The following AGMO variants were observed in gnomAD, a reference collection of about 807,000 sequenced individuals.
AGMO encodes glyceryl-ether monooxygenase.
A neutral mutation model predicts 60.2 loss-of-function variants in AGMO; 75 were observed. The ratio of observed to expected loss-of-function variants is 1.25; its 90% CI spans 1.03 to 1.51. The LOEUF is 1.51. AGMO is among the 40% of genes most tolerant of loss of function. AGMO has a pLI of 0.00. For synonymous variants in AGMO, 261 were observed against 177.1 expected (o/e 1.47, Z -3.76); for missense variants, 763 against 525.5 (o/e 1.45, Z -4.42).
chr7:15,183,947 T>C, the AGMO span, among the ~76,000 whole-genome samples: 1 of 152,326 alleles, frequency 6.6e-6, no homozygotes, highest in African/African-American at 2.4e-5. Flanking sequence ...CAGTTTTCTA[T>C]AAAGTGATTG....
chr7:15,269,106 G>A (rs745448926), intron 12 of AGMO, among the ~76,000 whole-genome samples: 7 of 152,094 alleles, frequency 4.6e-5, no homozygotes, highest in Non-Finnish European at 8.8e-5. Context: ...CTCTGCCAAT[G>A]TAATGTGAAA....
rs369885145 is a variant in AGMO at position 15,505,958 on chromosome 7, C to T, written c.409+38814G>A. Among the ~76,000 whole-genome samples, 88 of 152,114 alleles carry T rather than the reference C, an allele frequency of 5.8e-4. 2 individuals are homozygous for T. The highest frequency in any genetic ancestry group is 2.0e-3 in the African/African-American group (84 of 41,538). Reference sequence around the variant, plus strand: ...ATGAAGAGTTCACCTACATAATTGGCAATTTGCCAAAGTTTAGACAACCAC... The same window carrying T: ...ATGAAGAGTTCACCTACATAATTGGTAATTTGCCAAAGTTTAGACAACCAC... On this transcript the variant is annotated intron_variant, in intron 3 of 12. Transcript: ENST00000342526.
Position 15,361,457 on chromosome 7 carries a change from G to A in AGMO, c.1263+4057C>T, listed in dbSNP as rs186191297. ...CAGGAAGCTGAGGTGGGAGAATGGC[G>A]TGAACCTGGGAGGCGGAGCTTGCAG... On this transcript the variant is annotated intron_variant, in intron 12 of 12. Transcript: ENST00000342526. Among the ~76,000 whole-genome samples, 719 of 148,532 alleles carry A rather than the reference G, an allele frequency of 4.8e-3. 8 individuals are homozygous for A. The highest frequency in any genetic ancestry group is 0.017 in the African/African-American group (675 of 40,284).
chr7:15,311,338 A>T (rs1270028056), intron 12 of AGMO, among the ~76,000 whole-genome samples: 1 of 152,146 alleles, frequency 6.6e-6, no homozygotes, highest in African/African-American at 2.4e-5. Context: ...CACTTAGAAA[A>T]ATAAGTAAAA....
intron 3 of AGMO, among the ~76,000 whole-genome samples, chr7:15,518,969 C>G (rs1156448670): frequency 6.6e-6 from 1 of 151,522 alleles, no homozygotes; most frequent in Non-Finnish European, 1.5e-5. Context: ...TAGAGAAGAA[C>G]AGAAATGATC....
At chr7:15,508,593 A>G (rs577215386) in intron 3 of AGMO, among the ~76,000 whole-genome samples, 1 of 152,280 alleles carries the variant, frequency 6.6e-6, no homozygotes, top group South Asian at 2.1e-4. Context: ...AATTGAATTC[A>G]ATCTAGTCCA....
intron 5 of AGMO, among the ~76,000 whole-genome samples, chr7:15,418,030 C>A (rs1780822250): frequency 6.6e-6 from 1 of 151,974 alleles, no homozygotes. Context: ...TCTAAAATTA[C>A]ATTTCTTCAG....
chr7:15,412,006 C>A (rs913479782), intron 5 of AGMO, among the ~76,000 whole-genome samples: 4 of 152,216 alleles, frequency 2.6e-5, no homozygotes, highest in Admixed American at 1.3e-4. Context: ...GAAGTCAGAT[C>A]TTCTAAGTCT....
At chr7:15,448,351 T>C (rs924295986) in intron 3 of AGMO, among the ~76,000 whole-genome samples, 4 of 152,176 alleles carry the variant, frequency 2.6e-5, no homozygotes, top group Admixed American at 6.5e-5. Flanking sequence ...GAGTTTACAA[T>C]GAGAAGATGG....
intron 1 of AGMO, among the ~76,000 whole-genome samples, chr7:15,560,981 T>G (rs761160310): frequency 1.3e-5 from 2 of 152,198 alleles, no homozygotes; most frequent in Admixed American, 6.6e-5. Context: ...TATCTAATCT[T>G]GAAAAAGATA....
At chr7:15,276,574 T>A (rs1205465466) in intron 12 of AGMO, among the ~76,000 whole-genome samples, 1 of 152,200 alleles carries the variant, frequency 6.6e-6, no homozygotes, top group Non-Finnish European at 1.5e-5. Context: ...AATCTGGATG[T>A]CTACATCTCT....
rs953176363 is a variant in AGMO at position 15,201,183 on chromosome 7, T to G, written c.*102A>C. 9.6e-6 allele frequency: 6 copies of G among 622,484 alleles called. No homozygotes were observed. Among genetic ancestry groups the G allele is most frequent in the Non-Finnish European group, 1.0e-5 (4 of 387,570 alleles). 38.6% of individuals were successfully genotyped at this position (622,484 alleles called of 1,614,324 possible). On this transcript the variant is annotated 3_prime_UTR_variant, in exon 13 of 13. Transcript: ENST00000342526. ...GTAATTTTACTTTTCATTGAAGAAATAGTTCATATAAGCATTACATAAAAT... is the reference window on the plus strand; with the variant it reads ...GTAATTTTACTTTTCATTGAAGAAAGAGTTCATATAAGCATTACATAAAAT...
At chr7:15,392,323 C>T (rs55646427) in intron 6 of AGMO, among the ~76,000 whole-genome samples, 35 of 151,566 alleles carry the variant, frequency 2.3e-4, no homozygotes, top group African/African-American at 8.0e-4. Flanking sequence ...ATCCGCGATC[C>T]GCCTCCCAAA....
intron 5 of AGMO, among the ~76,000 whole-genome samples, chr7:15,417,349 G>A (rs1278314280): frequency 6.6e-6 from 1 of 152,084 alleles, no homozygotes; most frequent in East Asian, 1.9e-4. Flanking sequence ...CTAGCTCATG[G>A]CCCTCTCATC....
chr7:15,397,082 G>C (rs962989169), intron 5 of AGMO, among the ~76,000 whole-genome samples: 1 of 152,130 alleles, frequency 6.6e-6, no homozygotes, highest in African/African-American at 2.4e-5. Context: ...GGCTTCACCT[G>C]TCACTGGCAC....
intron 1 of AGMO, among the ~76,000 whole-genome samples, chr7:15,561,313 T>A (rs1785297689): frequency 1.3e-5 from 2 of 152,220 alleles, no homozygotes; most frequent in Admixed American, 1.3e-4. Context: ...GCTGAACTAC[T>A]CTACCAAATG....
At chr7:15,394,061 A>C (rs1298621887) in intron 6 of AGMO, 52 bp downstream of exon 6, 2 of 1,341,404 alleles carry the variant, frequency 1.5e-6, no homozygotes, top group Non-Finnish European at 2.1e-6. Flanking sequence ...GAAAATAATA[A>C]TGCAATTTTT....
chr7:15,540,959 G>T (rs377288853), intron 3 of AGMO, among the ~76,000 whole-genome samples: 1 of 152,100 alleles, frequency 6.6e-6, no homozygotes, highest in African/African-American at 2.4e-5. Context: ...TTATTATCAG[G>T]ACCCTGAAGG....
intron 12 of AGMO, among the ~76,000 whole-genome samples, chr7:15,331,829 G>A (rs905098131): frequency 1.3e-5 from 2 of 151,992 alleles, no homozygotes; most frequent in Non-Finnish European, 2.9e-5. Context: ...AGGAGGCTGA[G>A]GCAAGAAAAT....
Sources: allele counts gnomAD v4.1 joint callset (sites outside exome capture counted in the v4.1 genomes callset), GRCh38; gene constraint gnomAD v4.1.1; transcripts MANE v1.5; gene names NCBI Gene and HGNC (gene_info 2026-07-23, HGNC 2026-07-21).